RHOT2: variants seen among roughly 807,000 people sequenced by gnomAD.
The protein encoded by RHOT2 is mitochondrial Rho GTPase 2.
Under a neutral mutation model 81.6 loss-of-function variants are expected in RHOT2, and 90 were observed. That is an observed-to-expected ratio of 1.10 (90% CI 0.93 to 1.31). The LOEUF (loss-of-function observed/expected upper bound fraction) is 1.31. Among genes scored for constraint, RHOT2 ranks in the 40% most tolerant of loss-of-function variants. RHOT2 has a pLI of 0.00. For missense variants in RHOT2, 1,014 were observed against 841.9 expected (o/e 1.20, Z -2.53); for synonymous variants, 512 against 370.9 (o/e 1.38, Z -4.37).
At chr16:669,977 C>T (rs2038641380) in intron 5 of RHOT2, 146 bp from the exon 6 acceptor site, 12 of 711,776 alleles carry the variant, frequency 1.7e-5, no homozygotes, top group Non-Finnish European at 2.7e-5. Flanking sequence ...TGCCTTCTCC[C>T]ACCAGCTTTG....
At chr16:670,216 C>T (rs762988011) in intron 6 of RHOT2, 33 bp from the exon 7 acceptor site, 2 of 1,611,724 alleles carry the variant, frequency 1.2e-6, no homozygotes, top group Non-Finnish European at 8.5e-7. Flanking sequence ...CCCTGGCTCC[C>T]CTGCCCCTGG....
intron 18 of RHOT2, 103 bp downstream of exon 18, chr16:673,233 C>T: frequency 2.9e-6 from 4 of 1,380,972 alleles, no homozygotes; most frequent in South Asian, 1.2e-5. Context: ...CAGTGTCTGT[C>T]ATCCGAGCAG....
At position 670,337 on chromosome 16, in the gene RHOT2, G is replaced by T. The variant is rs371835149; in HGVS notation, c.418G>T (p.Glu140Ter). Residue 140 changes from glutamate (E) to a stop codon, truncating the protein, a stop_gained, in exon 7 of 19, where the codon GAG becomes TAG. Coordinates refer to ENST00000315082, the MANE Select transcript of RHOT2 (RefSeq NM_138769.3). LOFTEE classifies it high-confidence loss of function. ...AVLPIMSQFP[E>*]IETCVECSAK... ...GCTCCCCATCATGAGCCAGTTTCCCGAGATTGAGACCTGCGTGGAGGTGAG... is the reference window on the plus strand; with the variant it reads ...GCTCCCCATCATGAGCCAGTTTCCCTAGATTGAGACCTGCGTGGAGGTGAG... The T allele has an allele frequency of 1.9e-6, 3 of 1,612,730 alleles. No individual in the cohort carries two copies. The highest frequency in any genetic ancestry group is 2.5e-6 in the Non-Finnish European group (3 of 1,179,966).
Position 673,545 on chromosome 16 carries a change from G to GGGCCGCCGT in RHOT2, c.1803_1811dup (p.Ala603_Val605dup). 3.7e-6 allele frequency: 6 copies of GGGCCGCCGT among 1,612,510 alleles called. No individual in the cohort carries two copies. Among genetic ancestry groups the GGGCCGCCGT allele is most frequent in the Non-Finnish European group, 5.1e-6 (6 of 1,179,910 alleles). ...CTCCGGGGGCTGCTGGGGGTTGTCG[G>GGGCCGCCGT]GGCCGCCGTGGCCGCAGTCCTCAGC... On this transcript the variant is annotated inframe_insertion, in exon 19 of 19. Transcript: ENST00000315082.
chr16:673,432 T>G, intron 18 of RHOT2, 48 bp from the exon 19 acceptor site: 1 of 1,610,986 alleles, frequency 6.2e-7, no homozygotes, highest in African/African-American at 1.3e-5. Flanking sequence ...AGCAGCAAGC[T>G]GGGGGCATGT....
In RHOT2 at chr16:670,636, C is replaced by T. The variant is rs765083760; in HGVS notation, c.541-39C>T. The T allele has an allele frequency of 1.9e-5, 30 of 1,605,354 alleles. No homozygotes were observed. The East Asian group carries it at 6.5e-4, about 35-fold the overall frequency. ...TGGGTGGGGCGGTGTGGCAGGTCGG[C>T]GTGGGTCACCTGAGGGTGCTGAGCC... On this transcript the variant is annotated intron_variant, in intron 8 of 18. Transcript: ENST00000315082.
At chr16:669,500 G>T (rs567542367) in intron 4 of RHOT2, 53 bp from the exon 5 acceptor site, 3 of 1,588,034 alleles carry the variant, frequency 1.9e-6, no homozygotes, top group Non-Finnish European at 1.7e-6. Context: ...GGCCAGGGTC[G>T]TCGGTGGTGA....
chr16:669,470 G>A, intron 4 of RHOT2, 83 bp from the exon 5 acceptor site: 1 of 1,427,240 alleles, frequency 7.0e-7, no homozygotes. Context: ...GCCTCCTGGA[G>A]CCTCGAGATG....
At chr16:669,449 G>A (rs2038526416) in intron 4 of RHOT2, 104 bp from the exon 5 acceptor site, 1 of 1,153,594 alleles carries the variant, frequency 8.7e-7, no homozygotes, top group African/African-American at 1.5e-5. Flanking sequence ...TGCTACCTGT[G>A]AGCTTCTGGG....
At chr16:671,804 G>GGCCCAGCC in intron 12 of RHOT2, 23 bp downstream of exon 12, 1 of 1,592,510 alleles carries the variant, frequency 6.3e-7, no homozygotes, top group Non-Finnish European at 8.6e-7. Flanking sequence ...CGAGTCCCCT[G>GGCCCAGCC]CCCCTGCCCC....
chr16:670,835 G>A (rs946858347), intron 9 of RHOT2, 57 bp from the exon 10 acceptor site: 3 of 1,595,530 alleles, frequency 1.9e-6, no homozygotes, highest in Non-Finnish European at 2.6e-6. Context: ...GTTAGTGACT[G>A]GAACGGGTCG....
chr16:669,196 C>T (rs1233154753), intron 4 of RHOT2: 12 of 425,114 alleles, frequency 2.8e-5, no homozygotes, highest in South Asian at 2.2e-4. Context: ...GGCTGTCTTG[C>T]AGGGTGTTGG....
chr16:668,312 C>T, intron 1 of RHOT2, 41 bp from the exon 2 acceptor site: 3 of 1,285,048 alleles, frequency 2.3e-6, no homozygotes, highest in Middle Eastern at 5.2e-4. Context: ...CGGGGGGCGC[C>T]GTGACCTTGG....
chr16:673,860 G>A lies in RHOT2; in HGVS notation c.*254G>A. 1 of 610,914 alleles carries A rather than the reference G, an allele frequency of 1.6e-6. No individual in the cohort carries two copies. The highest frequency in any genetic ancestry group is 3.0e-5 in the East Asian group (1 of 33,716). The allele number at this position is 610,914 out of a possible 1,614,324, so 37.8% of individuals were successfully genotyped here. A position where few individuals can be genotyped will look rare whatever the true frequency, so the allele number is the denominator to read the frequency against. ...GAGCTCCCAAGTGCCGGCCACCGCT[G>A]TCAGGGATTGCCCACCCCTGGGCAT... On this transcript the variant is annotated 3_prime_UTR_variant, in exon 19 of 19. Transcript: ENST00000315082.
Position 672,251 on chromosome 16 carries a change from C to G in RHOT2, c.1196-3C>G. On this transcript the variant is annotated splice_polypyrimidine_tract_variant and splice_region_variant and intron_variant, in intron 14 of 18. Coordinates refer to ENST00000315082, the MANE Select transcript of RHOT2 (RefSeq NM_138769.3). ...CTGCCCTAACCCGTGTCTATCCTCA[C>G]AGTCACTCGTGAGAAGAGGCTGGAC... The G allele has an allele frequency of 6.2e-7, 1 of 1,611,402 alleles. No homozygotes were observed. Among genetic ancestry groups the G allele is most frequent in the Non-Finnish European group, 8.5e-7 (1 of 1,179,042 alleles).
chr16:671,045 G>A, intron 10 of RHOT2, 38 bp from the exon 11 acceptor site: 5 of 1,608,022 alleles, frequency 3.1e-6, no homozygotes, highest in Non-Finnish European at 4.2e-6. Context: ...TGGGGAGGGG[G>A]CTGTGCCTGG....
rs778913465 is a variant in RHOT2 at position 673,607 on chromosome 16, G to C, written c.*1G>C. On this transcript the variant is annotated 3_prime_UTR_variant, in exon 19 of 19. Coordinates refer to ENST00000315082, the MANE Select transcript of RHOT2 (RefSeq NM_138769.3). The stretch of plus-strand genomic sequence containing the variant: ...CAGGGTCCTGGTGAAGAGCCAGTGA[G>C]GCCCCTGGTACCCAAGCCCCCTCCC... The C allele has an allele frequency of 9.3e-6, 15 of 1,605,244 alleles. No individual in the cohort carries two copies. In the East Asian group the frequency reaches 3.1e-4, roughly 33 times the overall value.
rs1305989967 is a variant in RHOT2, at chr16:668,709, G to T, written c.222+10G>T. On this transcript the variant is annotated intron_variant, in intron 4 of 18. Transcript: ENST00000315082. The stretch of plus-strand genomic sequence containing the variant: ...GGAGGAGATCCACAAGGTACCCGTG[G>T]TGCGCGGGACGAGGGAGGGGCTGGG... 6.3e-7 allele frequency: 1 copy of T among 1,592,100 alleles called. No homozygotes were observed. Among genetic ancestry groups the T allele is most frequent in the Admixed American group, 1.8e-5 (1 of 56,428 alleles).
At chr16:671,654 G>T (rs546924603) in intron 11 of RHOT2, 43 bp from the exon 12 acceptor site, 2 of 1,585,346 alleles carry the variant, frequency 1.3e-6, no homozygotes, top group South Asian at 1.1e-5. Context: ...GCGTGGTGCT[G>T]CAGAGTCTCC....
Sources: gnomAD v4.1 joint callset for allele counts on GRCh38, gnomAD v4.1.1 for gene constraint, MANE v1.5 for transcripts, NCBI Gene and HGNC (gene_info 2026-07-23, HGNC 2026-07-21) for gene names.